Variants in LRP1B observed in about 807,000 individuals in gnomAD.
The protein encoded by LRP1B is LDL receptor related protein 1B.
In LRP1B, 217 loss-of-function variants were observed where a neutral mutation model predicts 556.6. The ratio of observed to expected loss-of-function variants is 0.39; its 90% CI spans 0.35 to 0.44. The LOEUF is 0.44. Ranked by LOEUF, LRP1B falls within the 20% of genes least tolerant of loss-of-function variation. LRP1B has a pLI of 1.00. For synonymous variants in LRP1B, 2,047 were observed against 1,865.8 expected (o/e 1.10, Z -2.50); for missense variants, 5,053 against 5,620.8 (o/e 0.90, Z 3.23).
intron 35 of LRP1B, among the ~76,000 whole-genome samples, chr2:140,735,633 C>T (rs867908487): frequency 1.4e-4 from 22 of 152,112 alleles, no homozygotes; most frequent in African/African-American, 3.6e-4. Context: ...CCCTTGGACT[C>T]GCAGAGTTTG....
intron 2 of LRP1B, among the ~76,000 whole-genome samples, chr2:141,767,257 A>C (rs112542683): frequency 6.6e-6 from 1 of 152,068 alleles, no homozygotes; most frequent in African/African-American, 2.4e-5. Flanking sequence ...CTATGCAAGG[A>C]AAGTATAAGG....
intron 2 of LRP1B, among the ~76,000 whole-genome samples, chr2:141,742,418 AT>A (rs1222832902): frequency 1.3e-5 from 2 of 151,470 alleles, no homozygotes; most frequent in African/African-American, 4.8e-5. Context: ...TGCCCCGCTA[AT>A]TTTTTTGTCT....
intron 2 of LRP1B, among the ~76,000 whole-genome samples, chr2:141,642,430 G>T (rs756903541): frequency 6.6e-6 from 1 of 151,984 alleles, no homozygotes; most frequent in Non-Finnish European, 1.5e-5. Flanking sequence ...GAGTGTGCAG[G>T]CTTTATAGGA....
chr2:141,912,861 C>T (rs1051860400), intron 1 of LRP1B, among the ~76,000 whole-genome samples: 10 of 152,160 alleles, frequency 6.6e-5, no homozygotes, highest in African/African-American at 1.9e-4. Context: ...TGTCCAAGCT[C>T]CTTTGCCTTT....
chr2:142,034,602 T>C (rs1259357168), intron 1 of LRP1B, among the ~76,000 whole-genome samples: 1 of 151,782 alleles, frequency 6.6e-6, no homozygotes, highest in East Asian at 1.9e-4. Context: ...ATCATTTGCA[T>C]TTTTAGTACT....
intron 3 of LRP1B, among the ~76,000 whole-genome samples, chr2:141,460,361 G>A (rs1681815643): frequency 6.6e-6 from 1 of 152,030 alleles, no homozygotes; most frequent in Non-Finnish European, 1.5e-5. Context: ...AAGTATCCCT[G>A]ATATAATTAA....
chr2:140,968,978 A>G (rs1267929914), intron 18 of LRP1B, among the ~76,000 whole-genome samples: 2 of 152,120 alleles, frequency 1.3e-5, no homozygotes, highest in Non-Finnish European at 2.9e-5. Flanking sequence ...AATAAGTGTG[A>G]TGTGGTGCTG....
chr2:140,907,258 A>T (rs551631465), intron 22 of LRP1B, among the ~76,000 whole-genome samples: 18 of 152,224 alleles, frequency 1.2e-4, no homozygotes, highest in Admixed American at 9.8e-4. Flanking sequence ...AAGAGAAGGA[A>T]ATGTAATTTT....
chr2:140,571,389 C>A (rs1024746340), intron 43 of LRP1B, among the ~76,000 whole-genome samples: 4 of 151,682 alleles, frequency 2.6e-5, no homozygotes, highest in Non-Finnish European at 5.9e-5. Context: ...AAAAAGAAAT[C>A]ATGAAAGCAA....
chr2:141,844,214 C>T (rs954968376), intron 1 of LRP1B, among the ~76,000 whole-genome samples: 1 of 152,096 alleles, frequency 6.6e-6, no homozygotes, highest in East Asian at 1.9e-4. Flanking sequence ...ACCTTCTACT[C>T]ATTCAGGCAC....
intron 43 of LRP1B, among the ~76,000 whole-genome samples, chr2:140,550,227 G>A (rs1468755858): frequency 6.6e-6 from 1 of 152,056 alleles, no homozygotes; most frequent in Admixed American, 6.6e-5. Context: ...GAACTGGGGG[G>A]TTTCTTCATC....
In LRP1B at chr2:140,802,893, G is replaced by A. The variant is rs1337378381; in HGVS notation, c.5359+10764C>T. ...GCAGAATGGAAAGAGAGGTGCATAT[G>A]TGAATTCTTAGTTAAGTAGATTCAA... On this transcript the variant is annotated intron_variant, in intron 32 of 90. Coordinates refer to ENST00000389484, the MANE Select transcript of LRP1B (RefSeq NM_018557.3). Among the ~76,000 whole-genome samples the A allele has an allele frequency of 3.9e-5, 6 of 152,248 alleles. No individual in the cohort carries two copies. In the East Asian group the frequency reaches 9.7e-4, roughly 25 times the overall value.
chr2:142,066,746 T>C (rs1705124094), intron 1 of LRP1B, among the ~76,000 whole-genome samples: 1 of 151,500 alleles, frequency 6.6e-6, no homozygotes, highest in Non-Finnish European at 1.5e-5. Context: ...CCTCTGTTTT[T>C]TGCCCAATTT....
chr2:140,649,023 C>T (rs1294503811), intron 41 of LRP1B, among the ~76,000 whole-genome samples: 1 of 152,064 alleles, frequency 6.6e-6, no homozygotes, highest in Non-Finnish European at 1.5e-5. Flanking sequence ...TAGAACTGAT[C>T]AGGTTATATC....
intron 1 of LRP1B, among the ~76,000 whole-genome samples, chr2:141,996,071 A>G (rs1188183964): frequency 6.6e-6 from 1 of 152,062 alleles, no homozygotes; most frequent in East Asian, 1.9e-4. Flanking sequence ...GGCCAACATG[A>G]TGAAAGTCTG....
At chr2:142,051,202 G>C (rs1183428502) in intron 1 of LRP1B, among the ~76,000 whole-genome samples, 1 of 152,084 alleles carries the variant, frequency 6.6e-6, no homozygotes, top group East Asian at 1.9e-4. Context: ...TGTTGGTGAG[G>C]GGGTGGGGAA....
At chr2:140,755,210 G>A (rs943086510) in intron 35 of LRP1B, among the ~76,000 whole-genome samples, 8 of 151,984 alleles carry the variant, frequency 5.3e-5, no homozygotes, top group Admixed American at 1.3e-4. Flanking sequence ...AGAACCAGAT[G>A]ACTTTACTTG....
At chr2:140,298,908 A>C (rs1683707297) in intron 83 of LRP1B, among the ~76,000 whole-genome samples, 3 of 152,124 alleles carry the variant, frequency 2.0e-5, no homozygotes, top group Admixed American at 6.5e-5. Context: ...TAAAATAATA[A>C]ATTTCAAAGT....
At chr2:142,042,182 C>G (rs554700898) in intron 1 of LRP1B, among the ~76,000 whole-genome samples, 1 of 151,206 alleles carries the variant, frequency 6.6e-6, no homozygotes, top group African/African-American at 2.4e-5. Flanking sequence ...ACATTATAAC[C>G]CTGGCCTGCT....
Sources: allele counts gnomAD v4.1 joint callset (sites outside exome capture counted in the v4.1 genomes callset), GRCh38; gene constraint gnomAD v4.1.1; transcripts MANE v1.5; gene names NCBI Gene and HGNC (gene_info 2026-07-23, HGNC 2026-07-21).